Variants in ITGAX observed in about 807,000 individuals in gnomAD.
The protein encoded by ITGAX is integrin subunit alpha X.
In ITGAX, 99 loss-of-function variants were observed where a neutral mutation model predicts 140.2. That is an observed-to-expected ratio of 0.71 (90% CI 0.60 to 0.83). The LOEUF (loss-of-function observed/expected upper bound fraction) is 0.83, where lower values mean the gene tolerates loss of function less well. ITGAX is among the 40% of genes least tolerant of loss of function. The pLI, the probability that ITGAX is intolerant of heterozygous loss-of-function variation, is 0.00. For missense variants in ITGAX, 1,444 were observed against 1,482.0 expected, an observed-to-expected ratio of 0.97 and a Z score of 0.42; for synonymous variants, 631 against 600.4, an observed-to-expected ratio of 1.05 and a Z score of -0.75.
intron 14 of ITGAX, among the ~76,000 whole-genome samples, chr16:31,364,087 G>C (rs2080866883): frequency 6.6e-6 from 1 of 152,128 alleles, no homozygotes; most frequent in Non-Finnish European, 1.5e-5. Context: ...TGAGAACGAA[G>C]GGCTGCTTTT....
chr16:31,380,792 C>T, intron 28 of ITGAX, 105 bp from the exon 29 acceptor site: 2 of 1,272,398 alleles, frequency 1.6e-6, no homozygotes, highest in Non-Finnish European at 2.3e-6. Context: ...CCTCTTGGAG[C>T]AGGGCCTGGG....
chr16:31,372,677 GC>G lies in ITGAX; in HGVS notation c.2366+12del. ...TCTCCTTCAGCTTCCCAGGGTGAGC[GC>G]CCCCACCTTAGACCTGCCCTACTGC... On this transcript the variant is annotated splice_region_variant and intron_variant, in intron 19 of 29. Coordinates refer to ENST00000268296, the MANE Select transcript of ITGAX (RefSeq NM_000887.5). The G allele has an allele frequency of 6.2e-7, 1 of 1,613,100 alleles. No homozygotes were observed. Among genetic ancestry groups the G allele is most frequent in the Non-Finnish European group, 8.5e-7 (1 of 1,179,366 alleles).
Position 31,363,382 on chromosome 16 carries a change from C to G in ITGAX, c.1710+8C>G, listed in dbSNP as rs377430066. The G allele has an allele frequency of 6.2e-7, 1 of 1,613,718 alleles. No individual in the cohort carries two copies. Among genetic ancestry groups the G allele is most frequent in the Non-Finnish European group, 8.5e-7 (1 of 1,179,668 alleles). Reference sequence around the variant, plus strand: ...AGCCCCTCCCACAGCCAGGTGAGGCCGTGTCCCATTTCTGTCACTAGAGCA... The same window carrying G: ...AGCCCCTCCCACAGCCAGGTGAGGCGGTGTCCCATTTCTGTCACTAGAGCA... On this transcript the variant is annotated splice_region_variant and intron_variant, in intron 14 of 29. Coordinates refer to ENST00000268296, the MANE Select transcript of ITGAX (RefSeq NM_000887.5).
chr16:31,380,515 C>G lies in ITGAX; in HGVS notation c.3175-8C>G. On this transcript the variant is annotated splice_polypyrimidine_tract_variant and splice_region_variant and intron_variant, in intron 27 of 29. Coordinates refer to ENST00000268296, the MANE Select transcript of ITGAX (RefSeq NM_000887.5). ...CAGTTCAACAGGTTTCCCCCAACCC[C>G]TTTGCAGATATTGCAGAAGAAGGTG... The G allele has an allele frequency of 6.2e-7, 1 of 1,614,260 alleles. No individual in the cohort carries two copies. The highest frequency in any genetic ancestry group is 8.5e-7 in the Non-Finnish European group (1 of 1,180,048).
At chr16:31,369,907 T>C (rs1467263278) in intron 14 of ITGAX, 1 of 152,124 alleles carries the variant, frequency 6.6e-6, no homozygotes, top group Non-Finnish European at 1.5e-5. Flanking sequence ...TGCCAAAGAC[T>C]CCTGAGTAGC....
At chr16:31,363,519 T>C in intron 14 of ITGAX, 145 bp downstream of exon 14, 1 of 900,186 alleles carries the variant, frequency 1.1e-6, no homozygotes, top group Middle Eastern at 2.5e-4. Context: ...TGGTCTCAGC[T>C]CACTGCAACC....
chr16:31,370,636 A>G (rs2080945858), intron 14 of ITGAX, among the ~76,000 whole-genome samples: 1 of 152,176 alleles, frequency 6.6e-6, no homozygotes, highest in Admixed American at 6.5e-5. Flanking sequence ...TTCAGCCTTA[A>G]TACTCATTGT....
In ITGAX at chr16:31,355,200, C is replaced by T; in HGVS notation, c.-55C>T. 6.2e-7 allele frequency: 1 copy of T among 1,604,040 alleles called. No individual in the cohort carries two copies. Among genetic ancestry groups the T allele is most frequent in the Non-Finnish European group, 8.5e-7 (1 of 1,172,076 alleles). ...CACTTGCTTCCTCAGTACCTTGGTC[C>T]AGCTCTTCCTGCAACGGCCCAGGAG... On this transcript the variant is annotated 5_prime_UTR_variant, in exon 1 of 30. Transcript: ENST00000268296.
Position 31,377,084 on chromosome 16 carries a change from G to C in ITGAX, c.2705+5G>C. 3 of 1,614,132 alleles carry C rather than the reference G, an allele frequency of 1.9e-6. No individual in the cohort carries two copies. The highest frequency in any genetic ancestry group is 2.5e-6 in the Non-Finnish European group (3 of 1,180,010). On this transcript the variant is annotated splice_donor_5th_base_variant and intron_variant, in intron 22 of 29. Coordinates refer to ENST00000268296, the MANE Select transcript of ITGAX (RefSeq NM_000887.5). ...TCTGACAGCCAATGTGAGCAGGTGA[G>C]CCGGGCCAGGCCAGGGGCAGTGCCC...
rs1377736439 is a variant in ITGAX at position 31,360,357 on chromosome 16, A to G, written c.755A>G (p.Lys252Arg). 4 of 1,614,088 alleles carry G rather than the reference A, an allele frequency of 2.5e-6. No individual in the cohort carries two copies. Among genetic ancestry groups the G allele is most frequent in the Non-Finnish European group, 3.4e-6 (4 of 1,179,976 alleles). Residue 252 changes from lysine to arginine, a missense_variant, in exon 8 of 30, where the codon AAA (lysine) becomes AGA (arginine). Lys to Arg is a conservative substitution (Grantham distance 26). Coordinates refer to ENST00000268296, the MANE Select transcript of ITGAX (RefSeq NM_000887.5). ...ASYGARRDAA[K>R]ILIVITDGKK... ...TATGGGGCCCGTAGGGATGCCGCCAAAATTCTCATTGTCATCACTGATGGG... is the reference window on the plus strand; with the variant it reads ...TATGGGGCCCGTAGGGATGCCGCCAGAATTCTCATTGTCATCACTGATGGG...
chr16:31,377,303 T>A, intron 23 of ITGAX, 38 bp downstream of exon 23: 3 of 1,434,292 alleles, frequency 2.1e-6, no homozygotes, highest in African/African-American at 1.7e-5. Flanking sequence ...AGGGTTCTTC[T>A]CTCTGACCTC....
Position 31,363,237 on chromosome 16 carries a change from C to G in ITGAX, c.1573C>G (p.Leu525Val). 6.2e-7 allele frequency: 1 copy of G among 1,613,710 alleles called. No individual in the cohort carries two copies. Among genetic ancestry groups the G allele is most frequent in the African/African-American group, 1.3e-5 (1 of 74,962 alleles). Residue 525 changes from leucine to valine, a missense_variant, in exon 14 of 30, where the codon CTG (leucine) becomes GTG (valine). Transcript: ENST00000268296. ...CCCCTGGGGTCGCTTTGGGGCGGCT[C>G]TGACAGTGCTGGGGGATGTGAATGG... ...GHPWGRFGAA[L>V]TVLGDVNGDK...
In ITGAX at chr16:31,355,975, C is replaced by T. The variant is rs369744718; in HGVS notation, c.120C>T (p.Ser40=). ...FRVDSAGFGD[S]VVQYANSWVV... ...TGGACAGCGCTGGGTTTGGAGACAG[C>T]GTGGTCCAGTATGCCAACTCCTGGT... Residue 40 remains serine, a synonymous_variant, in exon 2 of 30, where the codon AGC becomes AGT. Coordinates refer to ENST00000268296, the MANE Select transcript of ITGAX (RefSeq NM_000887.5). 29 of 1,612,948 alleles carry T rather than the reference C, an allele frequency of 1.8e-5. No individual in the cohort carries two copies. The highest frequency in any genetic ancestry group is 8.9e-5 in the East Asian group (4 of 44,800).
chr16:31,362,585 T>C, intron 11 of ITGAX, 26 bp from the exon 12 acceptor site: 1 of 1,601,384 alleles, frequency 6.2e-7, no homozygotes, highest in Non-Finnish European at 8.5e-7. Context: ...AATGGGGGCC[T>C]TTGTGCTGAG....
Position 31,356,268 on chromosome 16 carries a change from T to C in ITGAX, c.143+270T>C, listed in dbSNP as rs1316747561. 1.5e-5 allele frequency: 7 copies of C among 453,030 alleles called. No individual in the cohort carries two copies. The Admixed American group carries it at 2.7e-4, about 17-fold the overall frequency. 28.1% of individuals were successfully genotyped at this position (453,030 alleles called of 1,614,324 possible). ...TAGGAATCAGTCGTGCAACAAACAC[T>C]TATTTGTTTTTTCTTTCTTTTTTTC... On this transcript the variant is annotated intron_variant, in intron 2 of 29. Transcript: ENST00000268296.
rs771187636 is a variant in ITGAX at position 31,379,734 on chromosome 16, T to C, written c.2869-23T>C. 3 of 1,608,926 alleles carry C rather than the reference T, an allele frequency of 1.9e-6. 1 individual carries two copies. In the South Asian group the frequency reaches 3.3e-5, roughly 18 times the overall value. On this transcript the variant is annotated intron_variant, in intron 24 of 29. Transcript: ENST00000268296. ...GGGATTTGGGCTTTGGCGTGGGCTC[T>C]GCCCTCAGTGCCCTCTGTGCAGGTC...
At chr16:31,360,577 T>TGCAATCCTA in intron 8 of ITGAX, 114 bp downstream of exon 8, 6 of 1,032,512 alleles carry the variant, frequency 5.8e-6, no homozygotes, top group Non-Finnish European at 7.0e-6. Context: ...ACCCAGGAAG[T>TGCAATCCTA]GGTGCAATCC....
At chr16:31,364,426 CAAAAAAAAAAAAA>C (rs56776715) in intron 14 of ITGAX, among the ~76,000 whole-genome samples, 1 of 42,456 alleles carries the variant, frequency 2.4e-5, no homozygotes, top group Admixed American at 2.6e-4. Context: ...AATCCCGTGT[CAAAAAAAAAAAAA>C]AAAAAAAAAA....
At chr16:31,368,992 C>A (rs545681807) in intron 14 of ITGAX, among the ~76,000 whole-genome samples, 2 of 152,228 alleles carry the variant, frequency 1.3e-5, no homozygotes, top group Non-Finnish European at 2.9e-5. Context: ...AATGAAAAAT[C>A]TCCCATGTCT....
Sources: gnomAD v4.1 joint callset for allele counts (sites outside exome capture counted in the v4.1 genomes callset) on GRCh38, gnomAD v4.1.1 for gene constraint, MANE v1.5 for transcripts, NCBI Gene and HGNC (gene_info 2026-07-23, HGNC 2026-07-21) for gene names.